The following TRPM3 variants were observed in gnomAD, a reference collection of about 807,000 sequenced individuals.
TRPM3 encodes long transient receptor potential channel 3.
A neutral mutation model predicts 181.2 loss-of-function variants in TRPM3; 77 were observed. That is an observed-to-expected ratio of 0.42 (90% CI 0.35 to 0.51). TRPM3 has a LOEUF of 0.51. Ranked by LOEUF, TRPM3 falls within the 20% of genes least tolerant of loss-of-function variation. The pLI is 0.01. For missense variants in TRPM3, 1,759 were observed against 2,196.7 expected, an observed-to-expected ratio of 0.80 and a Z score of 3.98; for synonymous variants, 745 against 796.4, an observed-to-expected ratio of 0.94 and a Z score of 1.09.
chr9:70,598,748 G>A, intron 20 of TRPM3, 78 bp from the exon 21 acceptor site: 3 of 1,521,964 alleles, frequency 2.0e-6, no homozygotes, highest in Non-Finnish European at 8.9e-7. Context: ...TGCTTGGTCT[G>A]TTGGCTGATG....
In TRPM3 at chr9:70,885,453, C is replaced by T. The variant is rs140151496; in HGVS notation, c.178-20942G>A. On this transcript the variant is annotated intron_variant, in intron 1 of 25. Transcript: ENST00000677713. ...GGAAGAATGAGTTAGTCTCTTCATC[C>T]AGTGTCTGAATGTTTTACCATAGCA... Among the ~76,000 whole-genome samples, 340 of 152,274 alleles carry T rather than the reference C, an allele frequency of 2.2e-3. 1 individual carries two copies. Among genetic ancestry groups the T allele is most frequent in the African/African-American group, 7.8e-3 (323 of 41,554 alleles).
intron 8 of TRPM3, among the ~76,000 whole-genome samples, chr9:70,700,647 T>C (rs2134675375): frequency 6.6e-6 from 1 of 152,358 alleles, no homozygotes; most frequent in South Asian, 2.1e-4. Context: ...AACAGCTTTT[T>C]AGACGATAAC....
intron 1 of TRPM3, among the ~76,000 whole-genome samples, chr9:71,212,401 A>G (rs1470407423): frequency 1.1e-4 from 16 of 152,212 alleles, no homozygotes; most frequent in Admixed American, 3.3e-4. Flanking sequence ...ACAAAATACA[A>G]AGAATCAGTG....
At position 70,900,403 on chromosome 9, in the gene TRPM3, TA is replaced by T. The variant is rs574199113; in HGVS notation, c.178-35893del. On this transcript the variant is annotated intron_variant, in intron 1 of 25. Transcript: ENST00000677713. Reference sequence around the variant, plus strand: ...AAACTTATTACAGAGATTAAGGAAGTAAAAAAAATAATTGTAGTGACATTTG... The same window carrying T: ...AAACTTATTACAGAGATTAAGGAAGTAAAAAAATAATTGTAGTGACATTTG... Among the ~76,000 whole-genome samples the T allele has an allele frequency of 2.5e-3, 374 of 150,662 alleles. 1 individual carries two copies. The highest frequency in any genetic ancestry group is 8.3e-3 in the African/African-American group (339 of 40,954).
intron 4 of TRPM3, among the ~76,000 whole-genome samples, chr9:70,844,369 G>A (rs2132036108): frequency 6.6e-6 from 1 of 152,276 alleles, no homozygotes; most frequent in South Asian, 2.1e-4. Flanking sequence ...AACAGTGTTG[G>A]AAAGAATATC....
rs1564564329 is a variant in TRPM3, at chr9:70,846,487, GC to G, written c.566del (p.Gly189AlafsTer24). On this transcript the variant is annotated frameshift_variant, in exon 4 of 26. Transcript: ENST00000677713. LOFTEE classifies it high-confidence loss of function. ...LPKLLISVHG[G>X]LQNFELQPKL... ...TTGGCTGGAGTTCAAAGTTCTGCAG[GC>G]CCCCATGGACAGAGATGAGAAGCTT... The G allele has an allele frequency of 6.2e-7, 1 of 1,614,036 alleles. No homozygotes were observed. Among genetic ancestry groups the G allele is most frequent in the Non-Finnish European group, 8.5e-7 (1 of 1,180,000 alleles).
intron 1 of TRPM3, among the ~76,000 whole-genome samples, chr9:71,020,794 A>G (rs1435145459): frequency 6.6e-6 from 1 of 152,170 alleles, no homozygotes; most frequent in Non-Finnish European, 1.5e-5. Context: ...GAACAGGAAA[A>G]CTTAGGAATA....
At chr9:70,970,236 A>G (rs1215078171) in intron 1 of TRPM3, among the ~76,000 whole-genome samples, 1 of 152,154 alleles carries the variant, frequency 6.6e-6, no homozygotes, top group East Asian at 1.9e-4. Context: ...ACTCTAACAA[A>G]ATGAAAACCT....
chr9:70,548,362 A>T (rs1163535526), intron 25 of TRPM3, among the ~76,000 whole-genome samples: 1 of 152,226 alleles, frequency 6.6e-6, no homozygotes, highest in African/African-American at 2.4e-5. Context: ...GTACCGATGG[A>T]TACTATCACT....
chr9:70,660,897 T>C (rs1359394967), intron 9 of TRPM3, among the ~76,000 whole-genome samples: 1 of 151,924 alleles, frequency 6.6e-6, no homozygotes, highest in African/African-American at 2.4e-5. Context: ...CTATTCCAAA[T>C]GATAGAGAAA....
At chr9:70,900,382 T>G (rs975703530) in intron 1 of TRPM3, among the ~76,000 whole-genome samples, 2 of 151,478 alleles carry the variant, frequency 1.3e-5, no homozygotes, top group Admixed American at 1.3e-4. Flanking sequence ...AAAAAAAAAC[T>G]TATTACAGAG....
chr9:70,627,524 C>T (rs1372239592), intron 12 of TRPM3, among the ~76,000 whole-genome samples: 1 of 152,048 alleles, frequency 6.6e-6, no homozygotes, highest in Non-Finnish European at 1.5e-5. Flanking sequence ...CCTCCCGCCT[C>T]GGCCTCCCAA....
intron 1 of TRPM3, among the ~76,000 whole-genome samples, chr9:71,114,535 C>T (rs2071871853): frequency 6.6e-6 from 1 of 152,036 alleles, no homozygotes; most frequent in African/African-American, 2.4e-5. Context: ...TATGCTTTTC[C>T]AAATGAAAGC....
chr9:70,543,405 C>A (rs1360424968), intron 25 of TRPM3, among the ~76,000 whole-genome samples: 1 of 152,150 alleles, frequency 6.6e-6, no homozygotes, highest in Admixed American at 6.5e-5. Flanking sequence ...ACTATAGTCA[C>A]CCTATTGTGC....
chr9:71,053,324 T>C (rs1229719579), intron 1 of TRPM3, among the ~76,000 whole-genome samples: 1 of 152,094 alleles, frequency 6.6e-6, no homozygotes, highest in African/African-American at 2.4e-5. Flanking sequence ...GCTAGTCATC[T>C]AGTTTCCCAG....
intron 1 of TRPM3, among the ~76,000 whole-genome samples, chr9:70,929,148 A>G (rs1339392710): frequency 2.0e-5 from 3 of 151,942 alleles, no homozygotes; most frequent in African/African-American, 7.3e-5. Context: ...GGCTAATTAC[A>G]ATAGACCTTA....
rs2040869694 is a variant in TRPM3 at position 70,531,511 on chromosome 9, GGAGA to G, written c.*4438_*4441del. 1 of 152,118 alleles carries G rather than the reference GGAGA, an allele frequency of 6.6e-6. No homozygotes were observed. The highest frequency in any genetic ancestry group is 6.5e-5 in the Admixed American group (1 of 15,276). The allele number at this position is 152,118 out of a possible 1,614,324, so 9.4% of individuals were successfully genotyped here. The stretch of plus-strand genomic sequence containing the variant: ...TTGACACAAAATTAAGACCAGGTTT[GGAGA>G]GAGATTACTTCATTTCAGTCACATT... On this transcript the variant is annotated 3_prime_UTR_variant, in exon 26 of 26. Transcript: ENST00000677713.
At chr9:71,423,434 G>A (rs886735462) in intron 1 of TRPM3, among the ~76,000 whole-genome samples, 2 of 152,036 alleles carry the variant, frequency 1.3e-5, no homozygotes, top group African/African-American at 4.8e-5. Flanking sequence ...GAAGAAAGCT[G>A]GCATTTTCTG....
chr9:71,295,457 C>T (rs1180998428), intron 1 of TRPM3, among the ~76,000 whole-genome samples: 2 of 148,894 alleles, frequency 1.3e-5, no homozygotes, highest in African/African-American at 2.5e-5. Context: ...GGTTTGAAAT[C>T]TATTTTGGCT....
Sources: gnomAD v4.1 joint callset for allele counts (sites outside exome capture counted in the v4.1 genomes callset) on GRCh38, gnomAD v4.1.1 for gene constraint, MANE v1.5 for transcripts, NCBI Gene and HGNC (gene_info 2026-07-23, HGNC 2026-07-21) for gene names.